The following DMD variants were observed in gnomAD, a reference collection of about 807,000 sequenced individuals.
DMD encodes the protein dystrophin, also known as mutant dystrophin.
A neutral mutation model predicts 330.1 loss-of-function variants in DMD; 63 were observed. That is an observed-to-expected ratio of 0.19 (90% CI 0.16 to 0.24). The LOEUF is 0.24. Ranked by LOEUF, DMD falls within the 10% of genes least tolerant of loss-of-function variation. The pLI is 1.00. For synonymous variants in DMD, 1,223 were observed against 959.8 expected (o/e 1.27, Z -5.07); for missense variants, 3,344 against 2,684.1 (o/e 1.25, Z -5.43).
At chrX:33,113,115 T>G (rs956518992) in intron 1 of DMD, among the ~76,000 whole-genome samples, 7 of 103,624 alleles carry the variant, frequency 6.8e-5, no homozygotes, top group Non-Finnish European at 1.4e-4. Flanking sequence ...GTGCAGCGGC[T>G]CAATCTCGGC....
At chrX:32,812,071 CA>C (rs1229475218) in intron 6 of DMD, among the ~76,000 whole-genome samples, 1 of 111,097 alleles carries the variant, frequency 9.0e-6, no homozygotes, top group Admixed American at 9.6e-5. Flanking sequence ...TTTATCCCAA[CA>C]GCACTGGAAG....
At chrX:33,052,781 A>G (rs986256253) in intron 1 of DMD, among the ~76,000 whole-genome samples, 3 of 111,640 alleles carry the variant, frequency 2.7e-5, no homozygotes, top group African/African-American at 9.7e-5. Context: ...GTCAATAATA[A>G]CTTACTTGTA....
At chrX:33,127,712 C>CT (rs2095473696) in intron 1 of DMD, among the ~76,000 whole-genome samples, 1 of 109,238 alleles carries the variant, frequency 9.2e-6, no homozygotes, top group Admixed American at 9.9e-5. Context: ...TATAAAAATC[C>CT]CTCATTAGTT....
intron 47 of DMD, among the ~76,000 whole-genome samples, chrX:31,883,667 C>T (rs1182771015): frequency 1.8e-5 from 2 of 111,271 alleles, no homozygotes; most frequent in African/African-American, 6.5e-5. Flanking sequence ...ATAGAATAAA[C>T]TGCTTTTACA....
chrX:32,218,983 T>G (rs1040364948), intron 43 of DMD, among the ~76,000 whole-genome samples: 18 of 112,133 alleles, frequency 1.6e-4, no homozygotes, highest in Non-Finnish European at 3.8e-5. Flanking sequence ...TAATAATGTA[T>G]CTACATGTAC....
chrX:31,201,306 G>A (rs571628038), intron 67 of DMD, among the ~76,000 whole-genome samples: 4 of 112,298 alleles, frequency 3.6e-5, no homozygotes, highest in Admixed American at 2.8e-4. Flanking sequence ...CCCAGAGGTC[G>A]AGGCTGCAAT....
intron 43 of DMD, among the ~76,000 whole-genome samples, chrX:32,261,113 T>C (rs189054491): frequency 8.9e-6 from 1 of 111,930 alleles, no homozygotes; most frequent in African/African-American, 3.2e-5. Context: ...CCCGGTTTCA[T>C]TGCCTTTTAA....
intron 1 of DMD, among the ~76,000 whole-genome samples, chrX:33,161,718 G>A (rs2048783005): frequency 9.0e-6 from 1 of 111,356 alleles, no homozygotes; most frequent in South Asian, 3.7e-4. Flanking sequence ...AGAGTAGAGA[G>A]AATTTATCTC....
At chrX:33,008,035 G>A (rs1210114752) in intron 2 of DMD, among the ~76,000 whole-genome samples, 1 of 111,163 alleles carries the variant, frequency 9.0e-6, no homozygotes, top group Non-Finnish European at 1.9e-5. Context: ...AAACCAAAGA[G>A]TAACTTCACA....
intron 60 of DMD, among the ~76,000 whole-genome samples, chrX:31,426,883 G>T (rs2063748881): frequency 8.9e-6 from 1 of 112,030 alleles, no homozygotes; most frequent in Non-Finnish European, 1.9e-5. Flanking sequence ...CATCCAAATA[G>T]AAATAATTGA....
At chrX:31,342,422 A>T (rs2057827900) in intron 61 of DMD, among the ~76,000 whole-genome samples, 1 of 112,027 alleles carries the variant, frequency 8.9e-6, no homozygotes, top group Non-Finnish European at 1.9e-5. Context: ...GGAGAACTAT[A>T]GACTCCTTAT....
chrX:31,373,579 C>G (rs2059718322), intron 60 of DMD, among the ~76,000 whole-genome samples: 1 of 105,963 alleles, frequency 9.4e-6, no homozygotes, highest in Non-Finnish European at 1.9e-5. Flanking sequence ...AAAGGATTCC[C>G]TATTTAATAA....
intron 59 of DMD, 104 bp from the exon 60 acceptor site, chrX:31,444,731 G>C (rs901208536): frequency 4.0e-5 from 35 of 881,392 alleles, no homozygotes; most frequent in Non-Finnish European, 5.6e-5. Flanking sequence ...AGTAATGTTT[G>C]CTCTATGCTA....
Position 32,844,867 on chromosome X carries a change from A to G in DMD, c.187-7T>C. 1 of 1,201,466 alleles carries G rather than the reference A, an allele frequency of 8.3e-7. No homozygotes were observed. Among genetic ancestry groups the G allele is most frequent in the Non-Finnish European group, 1.1e-6 (1 of 886,141 alleles). ...TGGATCCTTTTTCTTTTGGCTGAGA[A>G]CAAAACAAAAGAGTGTTCACTGACC... On this transcript the variant is annotated splice_polypyrimidine_tract_variant and splice_region_variant and intron_variant, in intron 3 of 78. Transcript: ENST00000357033.
chrX:32,892,505 T>C (rs1414072193), intron 2 of DMD, among the ~76,000 whole-genome samples: 1 of 111,860 alleles, frequency 8.9e-6, no homozygotes, highest in Non-Finnish European at 1.9e-5. Context: ...GCGATTGTCA[T>C]GCCTCGGCCT....
chrX:31,724,800 C>A (rs2085886238), intron 52 of DMD, among the ~76,000 whole-genome samples: 1 of 111,847 alleles, frequency 8.9e-6, no homozygotes, highest in Non-Finnish European at 1.9e-5. Context: ...ACCCTACCAG[C>A]ATAAGTACTA....
At chrX:32,681,798 A>G in intron 9 of DMD, among the ~76,000 whole-genome samples, 1 of 112,253 alleles carries the variant, frequency 8.9e-6, no homozygotes, top group Non-Finnish European at 1.9e-5. Flanking sequence ...GATAACTACA[A>G]TGAGGAAAAA....
intron 2 of DMD, among the ~76,000 whole-genome samples, chrX:32,971,665 C>T (rs776734061): frequency 3.6e-4 from 40 of 110,753 alleles, no homozygotes; most frequent in East Asian, 1.4e-3. Context: ...AACATGTTTT[C>T]GGTATGCTTT....
chrX:31,145,791 T>C (rs777431597), intron 76 of DMD, among the ~76,000 whole-genome samples: 1 of 109,652 alleles, frequency 9.1e-6, no homozygotes, highest in African/African-American at 3.4e-5. Flanking sequence ...TCCTCCCGAG[T>C]AGCTGGGACT....
Sources: allele counts gnomAD v4.1 joint callset (sites outside exome capture counted in the v4.1 genomes callset), GRCh38; gene constraint gnomAD v4.1.1; transcripts MANE v1.5; gene names NCBI Gene and HGNC (gene_info 2026-07-23, HGNC 2026-07-21).